OR9Q1: variants seen among roughly 807,000 people sequenced by gnomAD.
The protein encoded by OR9Q1 is olfactory receptor 9Q1.
For missense variants in OR9Q1, 374 were observed against 378.8 expected (o/e 0.99, Z 0.11); for synonymous variants, 153 against 148.6 (o/e 1.03, Z -0.22).
intron 2 of OR9Q1, among the ~76,000 whole-genome samples, chr11:58,095,261 T>C (rs1423093504): frequency 6.6e-6 from 1 of 152,248 alleles, no homozygotes; most frequent in Non-Finnish European, 1.5e-5. Flanking sequence ...TCTTCCATGC[T>C]ATGGCATGGG....
chr11:58,138,080 T>C (rs1249918735), intron 2 of OR9Q1, among the ~76,000 whole-genome samples: 2 of 152,200 alleles, frequency 1.3e-5, no homozygotes, highest in Non-Finnish European at 2.9e-5. Context: ...CTCCAGGTGC[T>C]GTTTCCAGCC....
intron 1 of OR9Q1, among the ~76,000 whole-genome samples, chr11:58,054,355 C>A (rs888975963): frequency 1.3e-5 from 2 of 152,110 alleles, no homozygotes; most frequent in African/African-American, 4.8e-5. Context: ...GAGCTCCTAC[C>A]CGCCTTTCCA....
chr11:58,118,509 C>T (rs761523803), intron 2 of OR9Q1: 2 of 1,594,590 alleles, frequency 1.3e-6, no homozygotes, highest in East Asian at 2.2e-5. Flanking sequence ...TCTACATGCT[C>T]AGGGACACCT....
rs777315081 is a variant in OR9Q1 at position 58,179,652 on chromosome 11, G to A, written c.208G>A (p.Asp70Asn). The change falls in exon 3 of 3, where the codon GAC becomes AAC. Residue 70 changes from aspartate (D) to asparagine (N), a missense_variant. Coordinates refer to ENST00000335397, the MANE Select transcript of OR9Q1 (RefSeq NM_001005212.4). ...CCTTCTGAGTCACCTCGCTTTCATG[G>A]ACGTCTGCTACTCATCTATCACTGT... Reference protein sequence around the residue: ...YFLLSHLAFMDVCYSSITVPQ... With the variant: ...YFLLSHLAFMNVCYSSITVPQ... The A allele has an allele frequency of 1.2e-6, 2 of 1,613,214 alleles. No individual in the cohort carries two copies. The highest frequency in any genetic ancestry group is 2.2e-5 in the East Asian group (1 of 44,872).
chr11:58,153,860 G>T (rs1854378041), intron 2 of OR9Q1, among the ~76,000 whole-genome samples: 1 of 152,178 alleles, frequency 6.6e-6, no homozygotes, highest in Non-Finnish European at 1.5e-5. Flanking sequence ...GAGAAGAGCA[G>T]ATTGGATGGA....
At chr11:58,140,284 A>G (rs1421241020) in intron 2 of OR9Q1, among the ~76,000 whole-genome samples, 4 of 151,978 alleles carry the variant, frequency 2.6e-5, no homozygotes, top group Admixed American at 2.0e-4. Flanking sequence ...GAAGCTCTTT[A>G]GTTTAATTAG....
Position 58,152,297 on chromosome 11 carries a change from A to G in OR9Q1, c.-14-27134A>G, listed in dbSNP as rs568236586. ...GCTTTATTTATAATTCACAGATAAT[A>G]TTAGTATATATTTATGAAATTCAGG... On this transcript the variant is annotated intron_variant, in intron 2 of 2. Coordinates refer to ENST00000335397, the MANE Select transcript of OR9Q1 (RefSeq NM_001005212.4). 3.3e-5 allele frequency among the ~76,000 whole-genome samples: 5 copies of G among 152,296 alleles called. No individual in the cohort carries two copies. In the East Asian group the frequency reaches 9.7e-4, roughly 29 times the overall value.
intron 2 of OR9Q1, among the ~76,000 whole-genome samples, chr11:58,166,270 C>T (rs1369998569): frequency 2.0e-5 from 3 of 152,114 alleles, no homozygotes; most frequent in Non-Finnish European, 4.4e-5. Context: ...TGAAAGGATA[C>T]ATGCAAAGTA....
At chr11:58,153,487 G>T (rs1419863853) in intron 2 of OR9Q1, among the ~76,000 whole-genome samples, 3 of 152,118 alleles carry the variant, frequency 2.0e-5, no homozygotes, top group Non-Finnish European at 4.4e-5. Flanking sequence ...ATAGGGAAGG[G>T]TGGGTCATGC....
chr11:58,151,743 G>A (rs1334669804), intron 2 of OR9Q1, among the ~76,000 whole-genome samples: 1 of 151,856 alleles, frequency 6.6e-6, no homozygotes, highest in Non-Finnish European at 1.5e-5. Flanking sequence ...AGTGAATTTA[G>A]GAATTTATGT....
chr11:58,077,581 T>C (rs1336853767), intron 2 of OR9Q1: 1 of 152,148 alleles, frequency 6.6e-6, no homozygotes, highest in East Asian at 1.9e-4. Flanking sequence ...TGGATAAAAT[T>C]ATTGGCTTTG....
chr11:58,074,475 G>A (rs1434472381), intron 2 of OR9Q1, among the ~76,000 whole-genome samples: 1 of 147,702 alleles, frequency 6.8e-6, no homozygotes, highest in African/African-American at 2.5e-5. Flanking sequence ...TTGTAAATTT[G>A]TTTAAGTTCC....
intron 2 of OR9Q1, among the ~76,000 whole-genome samples, chr11:58,141,148 A>C (rs4625485): frequency 6.6e-6 from 1 of 151,944 alleles, no homozygotes; most frequent in Non-Finnish European, 1.5e-5. Flanking sequence ...TAGATATACA[A>C]TCATGTCATC....
intron 2 of OR9Q1, among the ~76,000 whole-genome samples, chr11:58,057,291 G>A (rs915169341): frequency 9.2e-5 from 14 of 151,948 alleles, no homozygotes; most frequent in African/African-American, 2.9e-4. Flanking sequence ...CCAGCCCAAG[G>A]TCTTTTTGAT....
At chr11:58,122,463 A>C (rs1263054540) in intron 2 of OR9Q1, among the ~76,000 whole-genome samples, 1 of 152,228 alleles carries the variant, frequency 6.6e-6, no homozygotes, top group African/African-American at 2.4e-5. Flanking sequence ...GAAATGGCAG[A>C]GCTAGGTTAT....
chr11:58,170,788 G>A (rs1854547447), intron 2 of OR9Q1, among the ~76,000 whole-genome samples: 1 of 152,026 alleles, frequency 6.6e-6, no homozygotes, highest in South Asian at 2.1e-4. Context: ...ATAATTGTGA[G>A]GCCTCCCCAG....
At chr11:58,086,027 C>T (rs1030223467) in intron 2 of OR9Q1, among the ~76,000 whole-genome samples, 1 of 151,812 alleles carries the variant, frequency 6.6e-6, no homozygotes, top group African/African-American at 2.4e-5. Context: ...AACAATTTAC[C>T]AAGAGCTTCA....
intron 2 of OR9Q1, among the ~76,000 whole-genome samples, chr11:58,130,764 G>A (rs1457455097): frequency 6.6e-6 from 1 of 150,870 alleles, no homozygotes; most frequent in Non-Finnish European, 1.5e-5. Flanking sequence ...CTGAGATCAC[G>A]CCACTGCACC....
chr11:58,117,963 A>G (rs2120124509), intron 2 of OR9Q1: 1 of 152,538 alleles, frequency 6.6e-6, no homozygotes, highest in Admixed American at 6.5e-5. Context: ...AGAGAAGTTC[A>G]TTTCTCAAAC....
Sources: allele counts gnomAD v4.1 joint callset (sites outside exome capture counted in the v4.1 genomes callset), GRCh38; gene constraint gnomAD v4.1.1; transcripts MANE v1.5; gene names NCBI Gene and HGNC (gene_info 2026-07-23, HGNC 2026-07-21).